HSPA12A: variants seen among roughly 807,000 people sequenced by gnomAD.
HSPA12A encodes heat shock 70 kDa protein 12A.
HSPA12A carries 28 observed loss-of-function variants against 69.2 expected under a neutral mutation model. The ratio of observed to expected loss-of-function variants is 0.40; its 90% CI spans 0.30 to 0.55. The LOEUF (loss-of-function observed/expected upper bound fraction) is 0.55. HSPA12A is among the 20% of genes least tolerant of loss of function. The probability of loss-of-function intolerance (pLI) is 0.38; values close to 1 mark genes in which losing one functional copy is unlikely to be tolerated. For synonymous variants in HSPA12A, 345 were observed against 370.5 expected (o/e 0.93, Z 0.79); for missense variants, 686 against 900.7 (o/e 0.76, Z 3.05).
Position 116,675,478 on chromosome 10 carries a change from C to T in HSPA12A, c.1391-60G>A, listed in dbSNP as rs1333790301. The T allele has an allele frequency of 2.0e-6, 3 of 1,479,916 alleles. No individual in the cohort carries two copies. Among genetic ancestry groups the T allele is most frequent in the Non-Finnish European group, 2.7e-6 (3 of 1,111,238 alleles). 91.7% of individuals were successfully genotyped at this position (1,479,916 alleles called of 1,614,324 possible). A position where few individuals can be genotyped will look rare whatever the true frequency, so the allele number is the denominator to read the frequency against. On this transcript the variant is annotated intron_variant, in intron 11 of 11. Coordinates refer to ENST00000369209, the MANE Select transcript of HSPA12A (RefSeq NM_025015.3). The surrounding 1 kb of genome is among the most constrained non-coding windows in gnomAD (Gnocchi z 5.2). Reference sequence around the variant, plus strand: ...CCAAAAGCCAGCAAGGAAGGGGGAACTGGGCTGCCTGCATCTGTGGGGAAC... The same window carrying T: ...CCAAAAGCCAGCAAGGAAGGGGGAATTGGGCTGCCTGCATCTGTGGGGAAC...
intron 2 of HSPA12A, among the ~76,000 whole-genome samples, chr10:116,783,371 G>T (rs1278803464): frequency 6.6e-6 from 1 of 152,212 alleles, no homozygotes; most frequent in Non-Finnish European, 1.5e-5. Context: ...ATGGCTCGGG[G>T]CACAGTGAGT....
At chr10:116,821,248 C>T (rs560140997) in intron 2 of HSPA12A, among the ~76,000 whole-genome samples, 1 of 152,212 alleles carries the variant, frequency 6.6e-6, no homozygotes, top group South Asian at 2.1e-4. Flanking sequence ...CCTTGCCAGG[C>T]CCTATAAGGC....
chr10:116,748,943 G>T (rs1490298502), intron 2 of HSPA12A, among the ~76,000 whole-genome samples: 1 of 152,082 alleles, frequency 6.6e-6, no homozygotes, highest in East Asian at 1.9e-4. Flanking sequence ...CCAGTCACTT[G>T]TCCCTGGGCC....
At chr10:116,754,467 T>G (rs1025760405) in intron 2 of HSPA12A, among the ~76,000 whole-genome samples, 1 of 152,212 alleles carries the variant, frequency 6.6e-6, no homozygotes, top group Non-Finnish European at 1.5e-5. Context: ...TTTTAAAAGT[T>G]AAGTTTCTGG....
In HSPA12A at chr10:116,796,163, AAAAG is replaced by A. The variant is rs796300276; in HGVS notation, c.91+38768_91+38771del. On this transcript the variant is annotated intron_variant, in intron 2 of 12. Coordinates refer to the HSPA12A transcript ENST00000635765. ...ACTCCATCAAAAAAAAAAAAAAAAA[AAAAG>A]AAAGAAAGAAGAAAATTAAATAAGT... 1.7e-3 allele frequency among the ~76,000 whole-genome samples: 240 copies of A among 138,900 alleles called. 1 individual carries two copies. Among genetic ancestry groups the A allele is most frequent in the African/African-American group, 7.0e-3 (222 of 31,864 alleles). 91.1% of individuals were successfully genotyped at this position (138,900 alleles called of 152,430 possible).
intron 1 of HSPA12A, among the ~76,000 whole-genome samples, chr10:116,738,707 C>T (rs1481276492): frequency 1.3e-5 from 2 of 152,042 alleles, no homozygotes; most frequent in African/African-American, 4.8e-5. Context: ...GATCTCATCC[C>T]GATGGATGAG....
At chr10:116,684,915 T>C (rs1382573792) in intron 6 of HSPA12A, among the ~76,000 whole-genome samples, 1 of 151,940 alleles carries the variant, frequency 6.6e-6, no homozygotes, top group Non-Finnish European at 1.5e-5. Flanking sequence ...CTTCTGAGGA[T>C]GCTCAGAGAA....
At chr10:116,807,267 G>T (rs1054948575) in intron 2 of HSPA12A, among the ~76,000 whole-genome samples, 2 of 152,034 alleles carry the variant, frequency 1.3e-5, no homozygotes, top group Non-Finnish European at 2.9e-5. Flanking sequence ...CTTCCACGGG[G>T]TCACTGTGAG....
chr10:116,802,308 G>T (rs1005794365), intron 2 of HSPA12A, among the ~76,000 whole-genome samples: 1 of 152,182 alleles, frequency 6.6e-6, no homozygotes, highest in African/African-American at 2.4e-5. Flanking sequence ...AAGCAGCCCT[G>T]CAGGAAGATA....
intron 2 of HSPA12A, among the ~76,000 whole-genome samples, chr10:116,808,518 A>G (rs960819423): frequency 6.6e-6 from 1 of 152,160 alleles, no homozygotes; most frequent in Non-Finnish European, 1.5e-5. Context: ...ATCGCCCCAC[A>G]AGCACACTGG....
chr10:116,769,924 G>A (rs913534898), intron 2 of HSPA12A, among the ~76,000 whole-genome samples: 4 of 152,128 alleles, frequency 2.6e-5, no homozygotes, highest in Admixed American at 6.6e-5. Context: ...AATTCTTTCC[G>A]CCTTCCAGCT....
At chr10:116,740,724 G>A (rs1436413845) in intron 1 of HSPA12A, among the ~76,000 whole-genome samples, 2 of 149,258 alleles carry the variant, frequency 1.3e-5, no homozygotes, top group Non-Finnish European at 3.0e-5. Flanking sequence ...GGATAGGGGT[G>A]CTGAATTTGA....
intron 2 of HSPA12A, among the ~76,000 whole-genome samples, chr10:116,798,469 C>T (rs1184288190): frequency 6.6e-6 from 1 of 152,172 alleles, no homozygotes; most frequent in Admixed American, 6.5e-5. Context: ...CCCACATTAG[C>T]AATGTTCAAG....
At chr10:116,717,651 T>C (rs1554883937) in intron 1 of HSPA12A, among the ~76,000 whole-genome samples, 1 of 152,196 alleles carries the variant, frequency 6.6e-6, no homozygotes, top group Non-Finnish European at 1.5e-5. Flanking sequence ...ATTATGGATG[T>C]TATTTTGTTT....
At chr10:116,716,574 C>T (rs1159367294) in intron 1 of HSPA12A, among the ~76,000 whole-genome samples, 1 of 152,164 alleles carries the variant, frequency 6.6e-6, no homozygotes, top group Non-Finnish European at 1.5e-5. Flanking sequence ...AGGTGGCAGG[C>T]CAAGCAGTCA....
intron 2 of HSPA12A, among the ~76,000 whole-genome samples, chr10:116,810,264 G>A (rs1230401849): frequency 6.6e-6 from 1 of 152,016 alleles, no homozygotes; most frequent in Non-Finnish European, 1.5e-5. Flanking sequence ...GAAACCTCCC[G>A]GCTGCAGCCA....
upstream of HSPA12A, among the ~76,000 whole-genome samples, chr10:116,746,354 G>A (rs1254317671): frequency 1.3e-5 from 2 of 152,238 alleles, no homozygotes; most frequent in African/African-American, 4.8e-5. Context: ...GGTAGGGGAG[G>A]CAGCTGAGTC....
At chr10:116,849,812 C>T, upstream of HSPA12A, 18 of 1,417,524 alleles carry the variant, frequency 1.3e-5, no homozygotes, top group Non-Finnish European at 1.7e-5. Flanking sequence ...TGCGCCTGCG[C>T]CTGCGCCTCA....
rs782327414 is a variant in HSPA12A at position 116,683,908 on chromosome 10, C to G, written c.718G>C (p.Glu240Gln). The G allele has an allele frequency of 1.3e-6, 2 of 1,596,458 alleles. No individual in the cohort carries two copies. The highest frequency in any genetic ancestry group is 8.6e-7 in the Non-Finnish European group (1 of 1,166,670). ...TTTCGGCAGTAGATAGAGGCTGCCT[C>G]AGGCTCCAAGGCAATGATGAGCTGC... Reference protein sequence around the residue: ...SEQLIIALEPEAASIYCRKLR... With the variant: ...SEQLIIALEPQAASIYCRKLR... Residue 240 changes from glutamate to glutamine, a missense_variant, in exon 7 of 12, where the codon GAG becomes CAG. Physicochemically the swap from Glu to Gln is conservative, Grantham distance 29. Transcript: ENST00000369209.
Sources: allele counts gnomAD v4.1 joint callset (sites outside exome capture counted in the v4.1 genomes callset), GRCh38; gene constraint gnomAD v4.1.1; non-coding constraint Gnocchi (gnomAD v3.1); transcripts MANE v1.5; gene names NCBI Gene and HGNC (gene_info 2026-07-23, HGNC 2026-07-21).